NUP54: variants seen among roughly 807,000 people sequenced by gnomAD.
NUP54 encodes the protein nucleoporin p54.
A neutral mutation model predicts 66.4 loss-of-function variants in NUP54; 27 were observed. That is an observed-to-expected ratio of 0.41 (90% CI 0.30 to 0.56). The LOEUF (loss-of-function observed/expected upper bound fraction) is 0.56. Ranked by LOEUF, NUP54 falls within the 20% of genes least tolerant of loss-of-function variation. The pLI is 0.34. For synonymous variants in NUP54, 206 were observed against 210.7 expected, an observed-to-expected ratio of 0.98 and a Z score of 0.19; for missense variants, 486 against 596.3, an observed-to-expected ratio of 0.82 and a Z score of 1.93.
chr4:76,117,418 G>A (rs1729996203), intron 11 of NUP54, among the ~76,000 whole-genome samples: 1 of 152,056 alleles, frequency 6.6e-6, no homozygotes. Flanking sequence ...TGCTTCCAAC[G>A]TACTTGGGTA....
chr4:76,145,093 T>C (rs1392830080), intron 1 of NUP54, among the ~76,000 whole-genome samples: 3 of 151,000 alleles, frequency 2.0e-5, no homozygotes, highest in South Asian at 4.2e-4. Context: ...CCGAGGGGGG[T>C]GGATCACAAG....
Position 76,117,682 on chromosome 4 carries a change from C to T in NUP54, c.1377G>A (p.Leu459=), listed in dbSNP as rs1445246251. The T allele has an allele frequency of 4.3e-6, 7 of 1,611,236 alleles. No individual in the cohort carries two copies. Among genetic ancestry groups the T allele is most frequent in the Non-Finnish European group, 5.9e-6 (7 of 1,177,532 alleles). ...SEERYYIDAD[L]LREIKQHLKQ... The stretch of plus-strand genomic sequence containing the variant: ...CACTTACCTGCTTGATTTCTCGTAA[C>T]AGATCTGCATCTATGTAATACCTTT... Residue 459 remains leucine, a synonymous_variant, in exon 11 of 12, where the codon CTG becomes CTA. Transcript: ENST00000264883.
At chr4:76,145,905 C>A (rs1042279274) in intron 1 of NUP54, 3 of 276,202 alleles carry the variant, frequency 1.1e-5, no homozygotes, top group Non-Finnish European at 2.1e-5. Context: ...TGCATGCAGG[C>A]ACAACTAAAT....
chr4:76,129,208 C>T (rs144222567), intron 8 of NUP54, among the ~76,000 whole-genome samples: 2,745 of 148,284 alleles, frequency 0.019, 66 homozygotes, highest in African/African-American at 0.064. Context: ...AGTTATGTAT[C>T]GATTAAAAAC....
intron 1 of NUP54, chr4:76,147,822 G>A: frequency 2.7e-6 from 1 of 371,152 alleles, no homozygotes; most frequent in African/African-American, 2.1e-5. Flanking sequence ...GAAGAAGCAT[G>A]ACGGATAAAC....
At chr4:76,143,344 A>G (rs34153791) in intron 3 of NUP54, among the ~76,000 whole-genome samples, 20,031 of 152,266 alleles carry the variant, frequency 0.13, 1,547 homozygotes, top group East Asian at 0.35. Context: ...GGTGGCGCAC[A>G]CCTGTAATCC....
At chr4:76,143,821 A>G (rs1232464915) in intron 3 of NUP54, among the ~76,000 whole-genome samples, 1 of 152,162 alleles carries the variant, frequency 6.6e-6, no homozygotes, top group Non-Finnish European at 1.5e-5. Flanking sequence ...ATCTCCTGAC[A>G]TGGGCAGTGA....
At chr4:76,116,570 T>C (rs1017648915) in intron 11 of NUP54, among the ~76,000 whole-genome samples, 2 of 152,162 alleles carry the variant, frequency 1.3e-5, no homozygotes, top group African/African-American at 2.4e-5. Context: ...AGAAAAGTGG[T>C]TGGAGGTTCT....
At chr4:76,122,096 T>G (rs1730260296) in intron 9 of NUP54, among the ~76,000 whole-genome samples, 1 of 152,258 alleles carries the variant, frequency 6.6e-6, no homozygotes. Context: ...ACAGTTTCTA[T>G]TATATATTTT....
chr4:76,132,625 T>C lies in NUP54; in HGVS notation c.805A>G (p.Asn269Asp). The C allele has an allele frequency of 6.2e-7, 1 of 1,614,106 alleles. No homozygotes were observed. ...TTLYAHFEQA[N>D]IKTQLQQLGV... ...AGTTGCTGCAATTGTGTTTTTATATTGGCTTGTTCAAAATGGGCATATAGC... is the reference window on the plus strand; with the variant it reads ...AGTTGCTGCAATTGTGTTTTTATATCGGCTTGTTCAAAATGGGCATATAGC... Residue 269 changes from asparagine (N) to aspartate (D), a missense_variant, in exon 6 of 12, where the codon AAT becomes GAT. Asn to Asp is a conservative substitution (Grantham distance 23, BLOSUM62 1). Transcript: ENST00000264883.
At chr4:76,145,734 G>T (rs61102074) in intron 1 of NUP54, 37,653 of 284,908 alleles carry the variant, frequency 0.13, 2,923 homozygotes, top group East Asian at 0.35. Context: ...GAATTATATT[G>T]CAGATTTTTT....
chr4:76,135,018 G>C (rs1407615286), intron 4 of NUP54, among the ~76,000 whole-genome samples: 1 of 151,874 alleles, frequency 6.6e-6, no homozygotes, highest in African/African-American at 2.4e-5. Flanking sequence ...GGGTTTATTG[G>C]GATGTAACCC....
At chr4:76,125,338 A>AAGTG (rs1553942210) in intron 8 of NUP54, among the ~76,000 whole-genome samples, 2 of 142,632 alleles carry the variant, frequency 1.4e-5, no homozygotes, top group East Asian at 6.1e-4. Context: ...ACACACACAC[A>AAGTG]CACACACACA....
intron 9 of NUP54, among the ~76,000 whole-genome samples, chr4:76,119,612 A>C (rs1484865223): frequency 6.6e-6 from 1 of 151,848 alleles, no homozygotes; most frequent in East Asian, 1.9e-4. Context: ...TCCTAAACTC[A>C]AATGATCCTT....
chr4:76,120,181 C>T (rs34109748), intron 9 of NUP54, among the ~76,000 whole-genome samples: 2 of 152,072 alleles, frequency 1.3e-5, no homozygotes, highest in Non-Finnish European at 2.9e-5. Context: ...TTTGACACTA[C>T]AATGCTATAA....
chr4:76,125,995 A>C (rs1358869557), intron 8 of NUP54, among the ~76,000 whole-genome samples: 1 of 152,198 alleles, frequency 6.6e-6, no homozygotes, highest in Non-Finnish European at 1.5e-5. Flanking sequence ...GAGTGGAAAA[A>C]GTTAAGATGT....
At chr4:76,134,054 T>C in intron 5 of NUP54, 121 bp downstream of exon 5, 3 of 659,042 alleles carry the variant, frequency 4.6e-6, no homozygotes, top group Non-Finnish European at 7.3e-6. Context: ...AATCACTAGC[T>C]GAGAAAAGGC....
chr4:76,138,637 T>A (rs1205087050), intron 3 of NUP54, among the ~76,000 whole-genome samples: 1 of 151,662 alleles, frequency 6.6e-6, no homozygotes. Context: ...GTTCTGGGAG[T>A]ACTAAATAAG....
intron 9 of NUP54, among the ~76,000 whole-genome samples, chr4:76,120,724 G>A (rs537628590): frequency 1.6e-4 from 25 of 152,220 alleles, no homozygotes; most frequent in African/African-American, 6.0e-4. Flanking sequence ...ACTGCGCCCG[G>A]CCAGGATCTC....
Sources: gnomAD v4.1 joint callset for allele counts (sites outside exome capture counted in the v4.1 genomes callset) on GRCh38, gnomAD v4.1.1 for gene constraint, MANE v1.5 for transcripts, NCBI Gene and HGNC (gene_info 2026-07-23, HGNC 2026-07-21) for gene names.